DNAI4: variants seen among roughly 807,000 people sequenced by gnomAD.
The protein encoded by DNAI4 is dynein axonemal intermediate chain 4, also known as WD repeat domain 78.
A neutral mutation model predicts 105.8 loss-of-function variants in DNAI4; 85 were observed. The ratio of observed to expected loss-of-function variants is 0.80; its 90% CI spans 0.67 to 0.96. The LOEUF is 0.96. Ranked by LOEUF, DNAI4 falls within the 40% of genes least tolerant of loss-of-function variation. The pLI is 0.00. For missense variants in DNAI4, 1,014 were observed against 1,005.6 expected (o/e 1.01, Z -0.11); for synonymous variants, 352 against 331.5 (o/e 1.06, Z -0.67).
intron 7 of DNAI4, among the ~76,000 whole-genome samples, chr1:66,855,502 A>C (rs918454199): frequency 1.9e-4 from 29 of 152,246 alleles, no homozygotes; most frequent in Non-Finnish European, 1.3e-4. Flanking sequence ...AAATACAATA[A>C]AATTAAAGAA....
intron 7 of DNAI4, among the ~76,000 whole-genome samples, chr1:66,849,565 T>G (rs1372447202): frequency 2.0e-5 from 3 of 152,158 alleles, no homozygotes; most frequent in African/African-American, 7.2e-5. Flanking sequence ...AAAAAGCCCC[T>G]ATACACCAAC....
intron 7 of DNAI4, among the ~76,000 whole-genome samples, chr1:66,850,899 A>AAGCAGG (rs1271318807): frequency 1.3e-4 from 20 of 152,132 alleles, no homozygotes; most frequent in Non-Finnish European, 2.4e-4. Context: ...AATGTTTGGA[A>AAGCAGG]AAGCAGCAAG....
chr1:66,883,805 A>T lies in DNAI4; in HGVS notation c.643+7349T>A, dbSNP rs1298494364. Reference sequence around the variant, plus strand: ...GTAGAATAATTAAATCAAGCTAGTTAACATATCCATCACCTCAAATACTCA... The same window carrying T: ...GTAGAATAATTAAATCAAGCTAGTTTACATATCCATCACCTCAAATACTCA... On this transcript the variant is annotated intron_variant, in intron 4 of 16. Transcript: ENST00000371026. 2.0e-5 allele frequency among the ~76,000 whole-genome samples: 3 copies of T among 152,364 alleles called. No individual in the cohort carries two copies. In the East Asian group the frequency reaches 5.8e-4, roughly 29 times the overall value.
At position 66,923,781 on chromosome 1, in the gene DNAI4, G is replaced by A. The variant is rs190376288; in HGVS notation, c.170+881C>T. Among the ~76,000 whole-genome samples the A allele has an allele frequency of 2.0e-5, 3 of 152,282 alleles. No individual in the cohort carries two copies. In the East Asian group the frequency reaches 5.8e-4, roughly 29 times the overall value. Reference sequence around the variant, plus strand: ...TAGCTGAGGTGGAGGAGATTGGAGAGGGGAAGAGAAAACAAATTACTTAGG... The same window carrying A: ...TAGCTGAGGTGGAGGAGATTGGAGAAGGGAAGAGAAAACAAATTACTTAGG... On this transcript the variant is annotated intron_variant, in intron 1 of 16. Coordinates refer to ENST00000371026, the MANE Select transcript of DNAI4 (RefSeq NM_024763.5).
chr1:66,871,825 T>C (rs1424606041), intron 5 of DNAI4, among the ~76,000 whole-genome samples: 1 of 152,202 alleles, frequency 6.6e-6, no homozygotes, highest in Non-Finnish European at 1.5e-5. Context: ...CCATGAGGAA[T>C]TTAGAAATGT....
intron 7 of DNAI4, among the ~76,000 whole-genome samples, chr1:66,853,186 C>T (rs1317546887): frequency 6.6e-6 from 1 of 152,136 alleles, no homozygotes; most frequent in Non-Finnish European, 1.5e-5. Context: ...TGATGAGAAG[C>T]ACAGAGGAGG....
At chr1:66,899,583 G>T (rs1648633948) in intron 2 of DNAI4, among the ~76,000 whole-genome samples, 1 of 152,056 alleles carries the variant, frequency 6.6e-6, no homozygotes, top group African/African-American at 2.4e-5. Flanking sequence ...TTTTCATAAG[G>T]TCAAATTTGT....
At chr1:66,876,301 G>T (rs269402) in intron 4 of DNAI4, among the ~76,000 whole-genome samples, 1 of 151,890 alleles carries the variant, frequency 6.6e-6, no homozygotes, top group Non-Finnish European at 1.5e-5. Context: ...CAATTTTAAG[G>T]CTAGCGATTT....
At chr1:66,867,243 G>T (rs760611987) in intron 6 of DNAI4, among the ~76,000 whole-genome samples, 1 of 152,168 alleles carries the variant, frequency 6.6e-6, no homozygotes, top group Non-Finnish European at 1.5e-5. Flanking sequence ...CTCTCTGGTA[G>T]TTTGTGGACA....
At position 66,814,165 on chromosome 1, in the gene DNAI4, T is replaced by C. The variant is rs1645464582; in HGVS notation, c.2512A>G (p.Thr838Ala). 6.3e-7 allele frequency: 1 copy of C among 1,591,526 alleles called. No individual in the cohort carries two copies. The highest frequency in any genetic ancestry group is 8.5e-7 in the Non-Finnish European group (1 of 1,177,212). Residue 838 changes from threonine to alanine, a missense_variant, in exon 17 of 17, where the codon ACT becomes GCT. Thr to Ala is a moderately conservative substitution (Grantham distance 58). Coordinates refer to ENST00000371026, the MANE Select transcript of DNAI4 (RefSeq NM_024763.5). ...LETGRGDIMD[T>A]LLGSKSNQSA ...TGGTTTGACTTGGATCCAAGCAAAG[T>C]ATCCATTATATCTCCCTGAAAAAAA... is the stretch of plus-strand genomic sequence containing the variant.
At chr1:66,830,177 C>CA (rs1387921923) in intron 13 of DNAI4, among the ~76,000 whole-genome samples, 2 of 151,060 alleles carry the variant, frequency 1.3e-5, no homozygotes, top group Non-Finnish European at 3.0e-5. Context: ...AAATTAAAAC[C>CA]AAAGTAAAGA....
intron 2 of DNAI4, among the ~76,000 whole-genome samples, chr1:66,904,705 T>A (rs1649106364): frequency 6.6e-6 from 1 of 152,138 alleles, no homozygotes; most frequent in South Asian, 2.1e-4. Flanking sequence ...GAATTTTATC[T>A]TTTATGGACT....
intron 1 of DNAI4, among the ~76,000 whole-genome samples, chr1:66,923,035 A>G (rs1569920324): frequency 6.6e-6 from 1 of 152,318 alleles, no homozygotes; most frequent in East Asian, 1.9e-4. Flanking sequence ...ATCTGGTAGC[A>G]GAGCTGAAAA....
chr1:66,846,431 C>CT (rs1412289290), intron 8 of DNAI4, among the ~76,000 whole-genome samples: 1 of 152,102 alleles, frequency 6.6e-6, no homozygotes, highest in African/African-American at 2.4e-5. Flanking sequence ...TCTTTGAAAG[C>CT]TGGAAATACA....
intron 8 of DNAI4, among the ~76,000 whole-genome samples, chr1:66,846,523 C>G (rs140940120): frequency 6.6e-6 from 1 of 152,274 alleles, no homozygotes; most frequent in Non-Finnish European, 1.5e-5. Flanking sequence ...AATGTAGGTT[C>G]TATTTGAGGA....
intron 2 of DNAI4, among the ~76,000 whole-genome samples, chr1:66,900,379 G>C (rs1648710959): frequency 6.6e-6 from 1 of 152,160 alleles, no homozygotes; most frequent in African/African-American, 2.4e-5. Context: ...GGGATTACAG[G>C]TGTGAGCCAC....
At chr1:66,903,007 G>C (rs923399903) in intron 2 of DNAI4, among the ~76,000 whole-genome samples, 4 of 152,112 alleles carry the variant, frequency 2.6e-5, no homozygotes, top group Admixed American at 2.6e-4. Context: ...TCTTATTCAA[G>C]ATTGTTTGGG....
chr1:66,825,451 G>A (rs1645732924), intron 15 of DNAI4, among the ~76,000 whole-genome samples: 2 of 152,066 alleles, frequency 1.3e-5, no homozygotes, highest in Non-Finnish European at 2.9e-5. Flanking sequence ...AAAGTGCTGG[G>A]ATTACAGGCG....
At chr1:66,833,838 G>C in intron 12 of DNAI4, 132 bp from the exon 13 acceptor site, 1 of 1,393,306 alleles carries the variant, frequency 7.2e-7, no homozygotes, top group Non-Finnish European at 9.6e-7. Context: ...GCTAAAATTA[G>C]CACACACCAG....
Sources: allele counts gnomAD v4.1 joint callset (sites outside exome capture counted in the v4.1 genomes callset), GRCh38; gene constraint gnomAD v4.1.1; transcripts MANE v1.5; gene names NCBI Gene and HGNC (gene_info 2026-07-23, HGNC 2026-07-21).